NR3C2: variants seen among roughly 807,000 people sequenced by gnomAD.
NR3C2 encodes mineralocorticoid receptor.
NR3C2 carries 15 observed loss-of-function variants against 86.4 expected under a neutral mutation model. The ratio of observed to expected loss-of-function variants is 0.17; its 90% CI spans 0.12 to 0.27. The LOEUF (loss-of-function observed/expected upper bound fraction) is 0.27, where lower values mean the gene tolerates loss of function less well. NR3C2 is among the 10% of genes least tolerant of loss of function. NR3C2 has a pLI of 1.00. For synonymous variants in NR3C2, 458 were observed against 450.5 expected, an observed-to-expected ratio of 1.02 and a Z score of -0.21; for missense variants, 960 against 1,195.6, an observed-to-expected ratio of 0.80 and a Z score of 2.91.
At chr4:148,250,562 G>A (rs1039827639) in intron 3 of NR3C2, among the ~76,000 whole-genome samples, 2 of 152,100 alleles carry the variant, frequency 1.3e-5, no homozygotes, top group African/African-American at 4.8e-5. Context: ...CCCAAATGCC[G>A]TGGACATCTG....
intron 2 of NR3C2, among the ~76,000 whole-genome samples, chr4:148,299,981 T>G (rs1742256788): frequency 6.6e-6 from 1 of 152,202 alleles, no homozygotes; most frequent in Admixed American, 6.5e-5. Flanking sequence ...GAGTTGGCCT[T>G]AAGCTGTAGC....
intron 6 of NR3C2, among the ~76,000 whole-genome samples, chr4:148,147,474 A>G (rs1020592327): frequency 6.6e-6 from 1 of 152,260 alleles, no homozygotes; most frequent in Non-Finnish European, 1.5e-5. Context: ...TAATTCATTT[A>G]TTCAGCACAT....
At chr4:148,323,442 T>G (rs6839408) in intron 2 of NR3C2, among the ~76,000 whole-genome samples, 45,003 of 124,912 alleles carry the variant, frequency 0.36, 10,741 homozygotes, top group African/African-American at 0.63. Flanking sequence ...GTTTACCTAA[T>G]CAAGCCTGTG....
chr4:148,316,457 G>A (rs1743180583), intron 2 of NR3C2, among the ~76,000 whole-genome samples: 2 of 152,024 alleles, frequency 1.3e-5, no homozygotes, highest in African/African-American at 4.8e-5. Flanking sequence ...GCTTTGATTT[G>A]CTGAATACAA....
chr4:148,284,872 T>C (rs1280852340), intron 2 of NR3C2, among the ~76,000 whole-genome samples: 1 of 152,186 alleles, frequency 6.6e-6, no homozygotes, highest in African/African-American at 2.4e-5. Flanking sequence ...TACTCAGTCC[T>C]ACAAAAAAGT....
At chr4:148,353,125 C>T (rs1428136570) in intron 2 of NR3C2, among the ~76,000 whole-genome samples, 2 of 152,024 alleles carry the variant, frequency 1.3e-5, no homozygotes, top group Admixed American at 6.6e-5. Flanking sequence ...TAAGTAGACT[C>T]AATCTCAAAA....
At chr4:148,268,697 C>T (rs1561010237) in intron 2 of NR3C2, among the ~76,000 whole-genome samples, 1 of 152,128 alleles carries the variant, frequency 6.6e-6, no homozygotes, top group Non-Finnish European at 1.5e-5. Context: ...AGATCCAAAA[C>T]TCAAGGAGCT....
intron 2 of NR3C2, among the ~76,000 whole-genome samples, chr4:148,391,950 A>G (rs1747601357): frequency 6.9e-6 from 1 of 145,854 alleles, no homozygotes; most frequent in South Asian, 2.2e-4. Flanking sequence ...ACAAGTAATA[A>G]CGTAGTAAAA....
At chr4:148,313,458 G>A (rs377674129) in intron 2 of NR3C2, among the ~76,000 whole-genome samples, 2 of 152,120 alleles carry the variant, frequency 1.3e-5, no homozygotes, top group Non-Finnish European at 2.9e-5. Flanking sequence ...TTAATGTTTT[G>A]TAAGCTAAAA....
At chr4:148,318,743 T>C (rs1317162634) in intron 2 of NR3C2, among the ~76,000 whole-genome samples, 1 of 152,024 alleles carries the variant, frequency 6.6e-6, no homozygotes, top group African/African-American at 2.4e-5. Context: ...TTCTTGTAAA[T>C]TTGTTTGAGT....
intron 2 of NR3C2, among the ~76,000 whole-genome samples, chr4:148,339,488 T>C (rs1744647497): frequency 6.6e-6 from 1 of 152,200 alleles, no homozygotes; most frequent in South Asian, 2.1e-4. Context: ...TTGATGCTTT[T>C]GGTCAAGTGC....
chr4:148,326,521 CAGAGA>C (rs1390977186), intron 2 of NR3C2, among the ~76,000 whole-genome samples: 1 of 152,140 alleles, frequency 6.6e-6, no homozygotes, highest in East Asian at 1.9e-4. Flanking sequence ...GAGCTTTCTT[CAGAGA>C]AAAGGAAAAG....
intron 2 of NR3C2, among the ~76,000 whole-genome samples, chr4:148,340,424 TA>T (rs1744695603): frequency 6.6e-6 from 1 of 152,024 alleles, no homozygotes. Flanking sequence ...AAAAACTGAG[TA>T]AGTACATGCA....
At chr4:148,144,489 G>C (rs1733769324) in intron 6 of NR3C2, among the ~76,000 whole-genome samples, 1 of 152,076 alleles carries the variant, frequency 6.6e-6, no homozygotes, top group Admixed American at 6.5e-5. Flanking sequence ...TACCATGCCT[G>C]GCTAAAAGCG....
intron 6 of NR3C2, among the ~76,000 whole-genome samples, chr4:148,129,027 C>CT (rs1732882563): frequency 6.6e-6 from 1 of 152,178 alleles, no homozygotes; most frequent in African/African-American, 2.4e-5. Flanking sequence ...CTAACTTCTA[C>CT]TTAATGAATC....
intron 3 of NR3C2, among the ~76,000 whole-genome samples, chr4:148,254,627 G>A (rs1739738430): frequency 6.6e-6 from 1 of 152,174 alleles, no homozygotes; most frequent in African/African-American, 2.4e-5. Flanking sequence ...TAAAATCATA[G>A]ATATAACCTA....
At chr4:148,241,679 T>G (rs1360171935) in intron 3 of NR3C2, among the ~76,000 whole-genome samples, 1 of 152,186 alleles carries the variant, frequency 6.6e-6, no homozygotes, top group African/African-American at 2.4e-5. Flanking sequence ...ATTTTACCTG[T>G]TTGCTTATTT....
chr4:148,397,905 T>C (rs955808394), intron 2 of NR3C2, among the ~76,000 whole-genome samples: 5 of 152,344 alleles, frequency 3.3e-5, no homozygotes, highest in Admixed American at 3.3e-4. Context: ...TCTCACACAG[T>C]TCTGGAGGCC....
intron 4 of NR3C2, among the ~76,000 whole-genome samples, chr4:148,178,114 A>T (rs1460554512): frequency 5.9e-5 from 9 of 152,164 alleles, no homozygotes; most frequent in Admixed American, 3.3e-4. Flanking sequence ...AAGGCGGGGG[A>T]ATCCCTTGAG....
Sources: allele counts gnomAD v4.1 joint callset (sites outside exome capture counted in the v4.1 genomes callset), GRCh38; gene constraint gnomAD v4.1.1; transcripts MANE v1.5; gene names NCBI Gene and HGNC (gene_info 2026-07-23, HGNC 2026-07-21).